Variants in FGL1 observed in about 807,000 individuals in gnomAD.
FGL1 encodes the protein fibrinogen like 1, also known as fibrinogen-like protein 1.
A neutral mutation model predicts 43.7 loss-of-function variants in FGL1; 59 were observed. That is an observed-to-expected ratio of 1.35 (90% CI 1.10 to 1.68). The LOEUF (loss-of-function observed/expected upper bound fraction) is 1.68, where lower values mean the gene tolerates loss of function less well. FGL1 is among the 40% of genes most tolerant of loss of function. FGL1 has a pLI of 0.00. For missense variants in FGL1, 596 were observed against 373.0 expected, an observed-to-expected ratio of 1.60 and a Z score of -4.92; for synonymous variants, 192 against 126.5, an observed-to-expected ratio of 1.52 and a Z score of -3.48.
intron 3 of FGL1, among the ~76,000 whole-genome samples, chr8:17,877,953 C>T (rs916396887): frequency 5.3e-5 from 8 of 152,038 alleles, no homozygotes; most frequent in African/African-American, 1.9e-4. Context: ...AATATATTAA[C>T]TCATTTTATT....
At chr8:17,888,685 G>A (rs1328318223) in intron 1 of FGL1, among the ~76,000 whole-genome samples, 1 of 151,968 alleles carries the variant, frequency 6.6e-6, no homozygotes, top group Non-Finnish European at 1.5e-5. Context: ...CATCAGCATT[G>A]AATACTACAA....
intron 5 of FGL1, among the ~76,000 whole-genome samples, chr8:17,871,268 A>G (rs2131700685): frequency 6.6e-6 from 1 of 152,240 alleles, no homozygotes; most frequent in Non-Finnish European, 1.5e-5. Context: ...TAAGGCACGC[A>G]GATGACTTGA....
chr8:17,888,023 A>C (rs1260964653), intron 1 of FGL1, among the ~76,000 whole-genome samples: 1 of 152,094 alleles, frequency 6.6e-6, no homozygotes, highest in Non-Finnish European at 1.5e-5. Flanking sequence ...CAGTGATAGA[A>C]ATAGTAGTCT....
At chr8:17,894,819 T>C (rs941145008) in intron 1 of FGL1, among the ~76,000 whole-genome samples, 1 of 146,480 alleles carries the variant, frequency 6.8e-6, no homozygotes, top group Non-Finnish European at 1.5e-5. Context: ...GATGCACCTA[T>C]ATATCATATA....
Position 17,874,418 on chromosome 8 carries a change from A to G in FGL1, c.348T>C (p.Asp116=), listed in dbSNP as rs138464619. Residue 116 remains aspartate, a synonymous_variant, in exon 4 of 8, where the codon GAT becomes GAC. Transcript: ENST00000427924. The part of the protein sequence containing the change: ...AEFSVYCDMS[D]GGGWTVIQRR... ...TCTGAATTACAGTCCATCCTCCTCC[A>G]TCGGACATGTCACAATAAACAGAAA... 2.3e-5 allele frequency: 37 copies of G among 1,614,152 alleles called. No individual in the cohort carries two copies. The highest frequency in any genetic ancestry group is 3.0e-5 in the Non-Finnish European group (35 of 1,179,996).
intron 5 of FGL1, among the ~76,000 whole-genome samples, chr8:17,872,364 G>T (rs188329593): frequency 6.8e-6 from 1 of 147,692 alleles, no homozygotes; most frequent in Non-Finnish European, 1.5e-5. Flanking sequence ...GTGGATTGGC[G>T]CAATCTTGGC....
intron 5 of FGL1, among the ~76,000 whole-genome samples, chr8:17,873,424 G>C (rs1461675361): frequency 6.6e-6 from 1 of 152,116 alleles, no homozygotes; most frequent in African/African-American, 2.4e-5. Context: ...AGACTCATAA[G>C]CAAGCCCAGC....
At chr8:17,873,960 A>C (rs1352497210) in intron 5 of FGL1, 59 bp downstream of exon 5, 2 of 1,334,982 alleles carry the variant, frequency 1.5e-6, no homozygotes, top group East Asian at 2.6e-5. Context: ...TGGTTAAAAA[A>C]AAATTTTAGT....
chr8:17,874,279 G>A (rs114704900), intron 4 of FGL1, 83 bp downstream of exon 4: 36,464 of 1,455,890 alleles, frequency 0.025, 720 homozygotes, highest in Middle Eastern at 0.057. Flanking sequence ...TAATTAATAG[G>A]CTTCAGGATA....
intron 2 of FGL1, chr8:17,882,725 A>C: frequency 8.4e-6 from 1 of 119,424 alleles, no homozygotes; most frequent in Admixed American, 8.6e-5. Flanking sequence ...TATATATTAT[A>C]TATGCATATA....
In FGL1 at chr8:17,868,908, T is replaced by C; in HGVS notation, c.591+8A>G. ...TTCACGGTTTTACTTCTTAGAAAAT[T>C]GTAGTACCTTTTCATCTCCAACTTT... On this transcript the variant is annotated splice_region_variant and intron_variant, in intron 6 of 7. Coordinates refer to ENST00000427924, the MANE Select transcript of FGL1 (RefSeq NM_004467.4). 9 of 1,582,920 alleles carry C rather than the reference T, an allele frequency of 5.7e-6. No homozygotes were observed. Among genetic ancestry groups the C allele is most frequent in the Non-Finnish European group, 7.7e-6 (9 of 1,165,088 alleles).
chr8:17,891,790 A>G (rs1357455388), intron 1 of FGL1: 1 of 982,726 alleles, frequency 1.0e-6, no homozygotes, highest in Non-Finnish European at 1.2e-6. Flanking sequence ...TCTTTATCAG[A>G]TTCCCTCCAT....
intron 1 of FGL1, among the ~76,000 whole-genome samples, chr8:17,890,743 T>C (rs1001718098): frequency 2.0e-5 from 3 of 152,270 alleles, no homozygotes; most frequent in African/African-American, 7.2e-5. Context: ...CTTACAGTCG[T>C]GGTGGAAGGG....
At chr8:17,872,540 G>A (rs1051272199) in intron 5 of FGL1, among the ~76,000 whole-genome samples, 2 of 151,960 alleles carry the variant, frequency 1.3e-5, no homozygotes, top group Admixed American at 1.3e-4. Context: ...TGGCCCCAAG[G>A]GGTCCACCCA....
chr8:17,877,206 T>G (rs2053469544), intron 3 of FGL1, among the ~76,000 whole-genome samples: 2 of 152,122 alleles, frequency 1.3e-5, no homozygotes, highest in Admixed American at 1.3e-4. Flanking sequence ...AAAGGCAAGG[T>G]TAAAGAGCTT....
rs746437329 is a variant in FGL1, at chr8:17,882,150, C to T, written c.93G>A (p.Met31Ile). ...GCAGGCGCACCTGGGCTCTGAGCCG[C>T]ATCTGCTCCTGGGCACAGTCCTCGA... is the stretch of plus-strand genomic sequence containing the variant. ...SALEDCAQEQMRLRAQVRLLE... is the reference protein window; with the variant it reads ...SALEDCAQEQIRLRAQVRLLE... Residue 31 changes from methionine to isoleucine, a missense_variant, in exon 3 of 8, where the codon ATG becomes ATA. Coordinates refer to ENST00000427924, the MANE Select transcript of FGL1 (RefSeq NM_004467.4). 1.4e-5 allele frequency: 22 copies of T among 1,613,758 alleles called. No homozygotes were observed. Among genetic ancestry groups the T allele is most frequent in the Non-Finnish European group, 1.9e-5 (22 of 1,179,998 alleles).
chr8:17,891,465 C>G (rs375059954), intron 1 of FGL1: 1 of 153,274 alleles, frequency 6.5e-6, no homozygotes, highest in Non-Finnish European at 1.4e-5. Flanking sequence ...TAATTTCCCT[C>G]TTCATATAAG....
At chr8:17,864,891 G>T in intron 7 of FGL1, 140 bp from the exon 8 acceptor site, 1 of 639,238 alleles carries the variant, frequency 1.6e-6, no homozygotes, top group Non-Finnish European at 2.3e-6. Flanking sequence ...ATATTTACTA[G>T]TTTCCAAAAG....
At chr8:17,880,061 C>T (rs1475729457) in intron 3 of FGL1, among the ~76,000 whole-genome samples, 1 of 152,118 alleles carries the variant, frequency 6.6e-6, no homozygotes, top group Non-Finnish European at 1.5e-5. Flanking sequence ...AACGATAGTC[C>T]GTTTGCTTCC....
Sources: gnomAD v4.1 joint callset for allele counts (sites outside exome capture counted in the v4.1 genomes callset) on GRCh38, gnomAD v4.1.1 for gene constraint, MANE v1.5 for transcripts, NCBI Gene and HGNC (gene_info 2026-07-23, HGNC 2026-07-21) for gene names.